Variants in ZFTA observed in about 807,000 individuals in gnomAD.
ZFTA encodes the protein zinc finger translocation-associated protein.
In ZFTA, 35 loss-of-function variants were observed where a neutral mutation model predicts 41.8. That is an observed-to-expected ratio of 0.84 (90% CI 0.64 to 1.11). ZFTA has a LOEUF of 1.11. Ranked by LOEUF, ZFTA falls within the 50% of genes most tolerant of loss-of-function variation. The pLI is 0.00. For synonymous variants in ZFTA, 514 were observed against 436.4 expected, an observed-to-expected ratio of 1.18 and a Z score of -2.22; for missense variants, 964 against 989.8, an observed-to-expected ratio of 0.97 and a Z score of 0.35.
At chr11:63,767,638 G>A (rs1266734766) in intron 1 of ZFTA, 5 of 152,352 alleles carry the variant, frequency 3.3e-5, no homozygotes, top group Admixed American at 3.3e-4. Context: ...GGCGTTTCTG[G>A]GAGGGGAGAG....
chr11:63,768,466 G>C lies in ZFTA; in HGVS notation c.139+18C>G. 8.9e-7 allele frequency: 1 copy of C among 1,117,406 alleles called. No individual in the cohort carries two copies. Among genetic ancestry groups the C allele is most frequent in the South Asian group, 2.6e-5 (1 of 38,896 alleles). 69.2% of individuals were successfully genotyped at this position (1,117,406 alleles called of 1,614,324 possible). ...CCACGCCGGGGCCCCCGCCCGGGCC[G>C]CCGGCCCCAGCTCTTACCGCCTTCG... is the stretch of plus-strand genomic sequence containing the variant. On this transcript the variant is annotated intron_variant, in intron 1 of 4. Transcript: ENST00000433688.
At position 63,763,169 on chromosome 11, in the gene ZFTA, G is replaced by T. The variant is rs116905948; in HGVS notation, c.*249C>A. 0.11 allele frequency: 21,947 copies of T among 196,550 alleles called. 1,403 individuals carry two copies. Among genetic ancestry groups the T allele is most frequent in the South Asian group, 0.16 (833 of 5,210 alleles). 12.2% of individuals were successfully genotyped at this position (196,550 alleles called of 1,614,324 possible). Reference sequence around the variant, plus strand: ...GTGGGCCCTGCGCGGGGAGGGCAGGGCTCCGGGCCGATGGGAGAGTGCGCT... The same window carrying T: ...GTGGGCCCTGCGCGGGGAGGGCAGGTCTCCGGGCCGATGGGAGAGTGCGCT... On this transcript the variant is annotated 3_prime_UTR_variant, in exon 5 of 5. Transcript: ENST00000433688.
rs2014682877 is a variant in ZFTA, at chr11:63,763,400, C to T, written c.*18G>A. The T allele has an allele frequency of 7.8e-7, 1 of 1,276,572 alleles. No homozygotes were observed. Among genetic ancestry groups the T allele is most frequent in the South Asian group, 2.0e-5 (1 of 49,250 alleles). 79.1% of individuals were successfully genotyped at this position (1,276,572 alleles called of 1,614,324 possible). The stretch of plus-strand genomic sequence containing the variant: ...CGATCCGACCCGACCCGACCTGACC[C>T]GGGGGCCCGCTAGGCCGCTACGCCC... On this transcript the variant is annotated 3_prime_UTR_variant, in exon 5 of 5. Transcript: ENST00000433688.
rs1261046363 is a variant in ZFTA at position 63,763,888 on chromosome 11, C to A, written c.1586-19G>T. ...ACGTCGCCTAAGGAGGGACAAAGGA[C>A]CGCATTGGCGACGGCGGGGGGCAGC... On this transcript the variant is annotated intron_variant, in intron 4 of 4. Coordinates refer to ENST00000433688, the MANE Select transcript of ZFTA (RefSeq NM_001144936.2). The A allele has an allele frequency of 3.8e-5, 54 of 1,415,414 alleles. No homozygotes were observed. Among genetic ancestry groups the A allele is most frequent in the Middle Eastern group, 4.4e-4 (2 of 4,526 alleles). 87.7% of individuals were successfully genotyped at this position (1,415,414 alleles called of 1,614,324 possible).
Position 63,765,284 on chromosome 11 carries a change from C to G in ZFTA, c.638-30G>C, listed in dbSNP as rs772311922. 7.0e-7 allele frequency: 1 copy of G among 1,431,058 alleles called. No individual in the cohort carries two copies. 88.6% of individuals were successfully genotyped at this position (1,431,058 alleles called of 1,614,324 possible). Reference sequence around the variant, plus strand: ...AAGGGTTGGAGGGAAGGAACTGAGACGCTGGCCCCACGGGAGCATACCCAC... The same window carrying G: ...AAGGGTTGGAGGGAAGGAACTGAGAGGCTGGCCCCACGGGAGCATACCCAC... On this transcript the variant is annotated intron_variant, in intron 2 of 4. Coordinates refer to ENST00000433688, the MANE Select transcript of ZFTA (RefSeq NM_001144936.2). This position sits in a 1 kb window ranked among gnomAD's most constrained non-coding sequence, Gnocchi z 4.0.
chr11:63,768,614 G>A lies in ZFTA; in HGVS notation c.9C>T (p.Pro3=), dbSNP rs1474515935. The A allele has an allele frequency of 3.0e-6, 3 of 1,005,732 alleles. No homozygotes were observed. The highest frequency in any genetic ancestry group is 1.9e-4 in the East Asian group (2 of 10,362). 62.3% of individuals were successfully genotyped at this position (1,005,732 alleles called of 1,614,324 possible). A position where few individuals can be genotyped will look rare whatever the true frequency, so the allele number is the denominator to read the frequency against. ME[P]GGDHRSRSSG... ...TGCTCCGGCTCCGGTGGTCCCCGCCGGGCTCCATGCGCTGCGCTGCGGAGC... is the reference window on the plus strand; with the variant it reads ...TGCTCCGGCTCCGGTGGTCCCCGCCAGGCTCCATGCGCTGCGCTGCGGAGC... The change falls in exon 1 of 5, where the codon CCC becomes CCT. Residue 3 remains proline, a synonymous_variant. Coordinates refer to ENST00000433688, the MANE Select transcript of ZFTA (RefSeq NM_001144936.2).
Position 63,760,668 on chromosome 11 carries a change from GC to G in ZFTA, c.*2749del, listed in dbSNP as rs1324597530. ...CAACTTGCAACGTCTAACCTGTGAG[GC>G]CATAACTTCCATCAAAGCAGGAATC... On this transcript the variant is annotated 3_prime_UTR_variant, in exon 5 of 5. Coordinates refer to ENST00000433688, the MANE Select transcript of ZFTA (RefSeq NM_001144936.2). 6.6e-6 allele frequency: 1 copy of G among 152,186 alleles called. No individual in the cohort carries two copies. The highest frequency in any genetic ancestry group is 1.9e-4 in the East Asian group (1 of 5,200). The allele number at this position is 152,186 out of a possible 1,614,324, so 9.4% of individuals were successfully genotyped here. A position where few individuals can be genotyped will look rare whatever the true frequency, so the allele number is the denominator to read the frequency against.
chr11:63,763,426 G>C lies in ZFTA; in HGVS notation c.2029C>G (p.Arg677Gly). The stretch of plus-strand genomic sequence containing the variant: ...GGGGGCCCGCTAGGCCGCTACGCCC[G>C]ACACACAGCGCCAGACTTGAGGTCC... ...GADLKSGAVC[R>G]A The change falls in exon 5 of 5, where the codon CGG (arginine) becomes GGG (glycine). Residue 677 changes from arginine (R) to glycine (G), a missense_variant. Physicochemically the swap from Arg to Gly is moderately radical, Grantham distance 125. Around this residue, in one of 5 missense-constraint regions of ZFTA, gnomAD observed 65 missense variants for 58.9 expected, o/e 1.10. Coordinates refer to ENST00000433688, the MANE Select transcript of ZFTA (RefSeq NM_001144936.2). 7.4e-7 allele frequency: 1 copy of C among 1,342,298 alleles called. No homozygotes were observed. The highest frequency in any genetic ancestry group is 9.6e-7 in the Non-Finnish European group (1 of 1,046,410). The allele number at this position is 1,342,298 out of a possible 1,614,324, so 83.1% of individuals were successfully genotyped here.
Position 63,764,990 on chromosome 11 carries a change from C to A in ZFTA, c.902G>T (p.Arg301Leu), listed in dbSNP as rs1177252015. 2.6e-6 allele frequency: 4 copies of A among 1,548,882 alleles called. No homozygotes were observed. The highest frequency in any genetic ancestry group is 3.5e-6 in the Non-Finnish European group (4 of 1,146,574). Residue 301 changes from arginine to leucine, a missense_variant, in exon 3 of 5, where the codon CGT becomes CTT. Physicochemically the swap from Arg to Leu is moderately radical, Grantham distance 102. Around this residue, in one of 5 missense-constraint regions of ZFTA, gnomAD observed 584 missense variants for 523.1 expected, o/e 1.12. Transcript: ENST00000433688. Reference sequence around the variant, plus strand: ...AGGGTGCACCTCCAGCACGTGGGCACGGATGTCGTCCAGGTGCAGGCTGGG... The same window carrying A: ...AGGGTGCACCTCCAGCACGTGGGCAAGGATGTCGTCCAGGTGCAGGCTGGG... Reference protein sequence around the residue: ...ALPSLHLDDIRAHVLEVHPGS... With the variant: ...ALPSLHLDDILAHVLEVHPGS...
chr11:63,763,330 G>T lies in ZFTA; in HGVS notation c.*88C>A. The T allele has an allele frequency of 9.9e-7, 1 of 1,011,376 alleles. No individual in the cohort carries two copies. The highest frequency in any genetic ancestry group is 1.2e-6 in the Non-Finnish European group (1 of 815,256). The allele number at this position is 1,011,376 out of a possible 1,614,324, so 62.7% of individuals were successfully genotyped here. A position where few individuals can be genotyped will look rare whatever the true frequency, so the allele number is the denominator to read the frequency against. ...GGGAAGCGCTAACACCGGACGCGAGGGTCTCCCAGCCGAAGGGCCGGGCGA... is the reference window on the plus strand; with the variant it reads ...GGGAAGCGCTAACACCGGACGCGAGTGTCTCCCAGCCGAAGGGCCGGGCGA... On this transcript the variant is annotated 3_prime_UTR_variant, in exon 5 of 5. Transcript: ENST00000433688.
At chr11:63,766,515 G>A (rs1046589983) in intron 1 of ZFTA, among the ~76,000 whole-genome samples, 1 of 152,174 alleles carries the variant, frequency 6.6e-6, no homozygotes, top group Non-Finnish European at 1.5e-5. Flanking sequence ...AGGAGATCAA[G>A]AACAAAAGGA....
rs1448537596 is a variant in ZFTA at position 63,761,905 on chromosome 11, G to A, written c.*1513C>T. On this transcript the variant is annotated 3_prime_UTR_variant, in exon 5 of 5. Coordinates refer to ENST00000433688, the MANE Select transcript of ZFTA (RefSeq NM_001144936.2). ...CCCACTCCTGGGCTCTGGCCTGGGG[G>A]TCCGGAATAAGAGGGGCCTCCTCTT... 4 of 152,426 alleles carry A rather than the reference G, an allele frequency of 2.6e-5. No individual in the cohort carries two copies. Among genetic ancestry groups the A allele is most frequent in the African/African-American group, 9.7e-5 (4 of 41,408 alleles). 9.4% of individuals were successfully genotyped at this position (152,426 alleles called of 1,614,324 possible).
In ZFTA at chr11:63,764,456, CTCT is replaced by C. The variant is rs2014711298; in HGVS notation, c.1164_1166del (p.Glu393del). The C allele has an allele frequency of 4.7e-6, 6 of 1,265,316 alleles. No homozygotes were observed. The highest frequency in any genetic ancestry group is 3.1e-5 in the African/African-American group (2 of 64,638). The allele number at this position is 1,265,316 out of a possible 1,614,324, so 78.4% of individuals were successfully genotyped here. A position where few individuals can be genotyped will look rare whatever the true frequency, so the allele number is the denominator to read the frequency against. ...CGCCCTCCTCCAGCTCCTCCTCCTC[CTCT>C]GCGGGCCCGGGCCTCTCAGGGACCC... On this transcript the variant is annotated inframe_deletion, in exon 4 of 5. Transcript: ENST00000433688.
At position 63,766,083 on chromosome 11, in the gene ZFTA, G is replaced by A. The variant is rs761512120; in HGVS notation, c.361C>T (p.Arg121Trp). The A allele has an allele frequency of 7.2e-6, 11 of 1,536,008 alleles. No homozygotes were observed. The highest frequency in any genetic ancestry group is 6.9e-5 in the African/African-American group (5 of 72,860). ...CACACCATGCACACCATGCCGTGCC[G>A]GGCAGGGTTGAAGTCCATCAGGTAC... ...LEYLMDFNPA[R>W]HGMVCMVCGS... Residue 121 changes from arginine to tryptophan, a missense_variant, in exon 2 of 5, where the codon CGG (arginine) becomes TGG (tryptophan). Around this residue, in one of 5 missense-constraint regions of ZFTA, gnomAD observed 141 missense variants for 216.7 expected, o/e 0.65. Transcript: ENST00000433688.
In ZFTA at chr11:63,762,141, G is replaced by C. The variant is rs1449458691; in HGVS notation, c.*1277C>G. On this transcript the variant is annotated 3_prime_UTR_variant, in exon 5 of 5. Transcript: ENST00000433688. ...GATTAACATCAGCACAGCTAGTTGG[G>C]GTCCTCCCGTCCCCGCCTCTGCCCT... 2 of 152,350 alleles carry C rather than the reference G, an allele frequency of 1.3e-5. No homozygotes were observed. Among genetic ancestry groups the C allele is most frequent in the Non-Finnish European group, 2.9e-5 (2 of 68,180 alleles). 9.4% of individuals were successfully genotyped at this position (152,350 alleles called of 1,614,324 possible).
intron 1 of ZFTA, 34 bp downstream of exon 1, chr11:63,768,450 G>A (rs2014782960): frequency 9.1e-7 from 1 of 1,097,072 alleles, no homozygotes; most frequent in Non-Finnish European, 1.1e-6. Flanking sequence ...CCCACGCCGG[G>A]GCCCCCGCCC....
In ZFTA at chr11:63,764,345, G is replaced by C; in HGVS notation, c.1278C>G (p.Tyr426Ter). 1 of 1,346,460 alleles carries C rather than the reference G, an allele frequency of 7.4e-7. No individual in the cohort carries two copies. Among genetic ancestry groups the C allele is most frequent in the Non-Finnish European group, 9.5e-7 (1 of 1,054,004 alleles). 83.4% of individuals were successfully genotyped at this position (1,346,460 alleles called of 1,614,324 possible). A position where few individuals can be genotyped will look rare whatever the true frequency, so the allele number is the denominator to read the frequency against. The change falls in exon 4 of 5, where the codon TAC becomes TAG. Residue 426 changes from tyrosine (Y) to a stop codon, truncating the protein, a stop_gained. Transcript: ENST00000433688. LOFTEE classifies it high-confidence loss of function. ...GCCGGCCGCCGTCCAACTCCATGAG[G>C]TACTCCAGCCGCCAGCGCTCCTGGG... is the stretch of plus-strand genomic sequence containing the variant. ...RHPQERWRLE[Y>*]LMELDGGRRG...
chr11:63,767,759 G>A (rs1232048456), intron 1 of ZFTA, among the ~76,000 whole-genome samples: 1 of 152,160 alleles, frequency 6.6e-6, no homozygotes, highest in African/African-American at 2.4e-5. Context: ...AGTCTCCTTT[G>A]AGAGCGAACG....
Position 63,766,279 on chromosome 11 carries a change from A to G in ZFTA, c.165T>C (p.Gly55=), listed in dbSNP as rs2014744556. Reference sequence around the variant, plus strand: ...GGGCACTCCCCCAGGACCCCAAGGCACCCCCTTCCAGCTGAAGATCTTGCC... The same window carrying G: ...GGGCACTCCCCCAGGACCCCAAGGCGCCCCCTTCCAGCTGAAGATCTTGCC... ...EGGQDLQLEG[G]ALGSWGSAPL... The change falls in exon 2 of 5, where the codon GGT becomes GGC. Residue 55 remains glycine (G), a synonymous_variant. Coordinates refer to ENST00000433688, the MANE Select transcript of ZFTA (RefSeq NM_001144936.2). The G allele has an allele frequency of 6.9e-7, 1 of 1,458,214 alleles. No homozygotes were observed. Among genetic ancestry groups the G allele is most frequent in the Non-Finnish European group, 9.0e-7 (1 of 1,112,420 alleles). The allele number at this position is 1,458,214 out of a possible 1,614,324, so 90.3% of individuals were successfully genotyped here.
Sources: gnomAD v4.1 joint callset for allele counts (sites outside exome capture counted in the v4.1 genomes callset) on GRCh38, gnomAD v4.1.1 for gene constraint, gnomAD v4.1.1 regional missense constraint, Gnocchi (gnomAD v3.1) non-coding constraint, MANE v1.5 for transcripts, NCBI Gene and HGNC (gene_info 2026-07-23, HGNC 2026-07-21) for gene names.